The following TENT4A variants were observed in gnomAD, a reference collection of about 807,000 sequenced individuals.
TENT4A encodes DNA polymerase kappa.
In TENT4A, 7 loss-of-function variants were observed where a neutral mutation model predicts 72.8. The ratio of observed to expected loss-of-function variants is 0.10; its 90% CI spans 0.05 to 0.18. The LOEUF (loss-of-function observed/expected upper bound fraction) is 0.18, where lower values mean the gene tolerates loss of function less well. TENT4A is among the 10% of genes least tolerant of loss of function. The probability of loss-of-function intolerance (pLI) is 1.00; values close to 1 mark genes in which losing one functional copy is unlikely to be tolerated. For missense variants in TENT4A, 831 were observed against 1,017.7 expected (o/e 0.82, Z 2.50); for synonymous variants, 456 against 434.3 (o/e 1.05, Z -0.62).
chr5:6,741,605 G>GGCTT (rs931586182), intron 4 of TENT4A, among the ~76,000 whole-genome samples: 1 of 152,224 alleles, frequency 6.6e-6, no homozygotes, highest in African/African-American at 2.4e-5. Flanking sequence ...CTGGCCTCAG[G>GGCTT]GCTTACCCTG....
chr5:6,751,856 G>A (rs1045971229), intron 11 of TENT4A, among the ~76,000 whole-genome samples: 3 of 152,170 alleles, frequency 2.0e-5, no homozygotes, highest in Non-Finnish European at 4.4e-5. Flanking sequence ...GTAGGTACAT[G>A]CAAAAGTGTT....
intron 1 of TENT4A, among the ~76,000 whole-genome samples, chr5:6,724,486 A>C (rs79000821): frequency 1.3e-5 from 2 of 152,300 alleles, no homozygotes; most frequent in South Asian, 2.1e-4. Context: ...AGGTGAATCT[A>C]TCTAGAGTTT....
chr5:6,721,318 T>A (rs1740634993), intron 1 of TENT4A, among the ~76,000 whole-genome samples: 2 of 152,348 alleles, frequency 1.3e-5, no homozygotes, highest in East Asian at 1.9e-4. Flanking sequence ...CTTAGAATTT[T>A]AAAAAATAAA....
At chr5:6,719,205 C>G (rs1740529836) in intron 1 of TENT4A, among the ~76,000 whole-genome samples, 1 of 152,192 alleles carries the variant, frequency 6.6e-6, no homozygotes, top group South Asian at 2.1e-4. Context: ...TCTTTGGTCA[C>G]TATTTAATAT....
intron 1 of TENT4A, among the ~76,000 whole-genome samples, chr5:6,726,216 G>T (rs1740911223): frequency 6.6e-6 from 1 of 152,168 alleles, no homozygotes; most frequent in Non-Finnish European, 1.5e-5. Context: ...CACCATGTAG[G>T]GGGAGCTGCG....
rs1288686313 is a variant in TENT4A at position 6,743,204 on chromosome 5, G to A, written c.1117-508G>A. ...TGGTCCCATCTTGTTCCATTTTCAAGGGCCTTGCTCTTCAGGTTCCCCCTT... is the reference window on the plus strand; with the variant it reads ...TGGTCCCATCTTGTTCCATTTTCAAAGGCCTTGCTCTTCAGGTTCCCCCTT... On this transcript the variant is annotated intron_variant, in intron 5 of 12. Coordinates refer to ENST00000230859, the MANE Select transcript of TENT4A (RefSeq NM_006999.6). Among the ~76,000 whole-genome samples, 4 of 152,232 alleles carry A rather than the reference G, an allele frequency of 2.6e-5. No homozygotes were observed. The East Asian group carries it at 5.8e-4, about 22-fold the overall frequency.
intron 11 of TENT4A, 143 bp downstream of exon 11, chr5:6,751,340 A>G: frequency 1.2e-6 from 1 of 832,292 alleles, no homozygotes; most frequent in African/African-American, 1.7e-5. Context: ...TTGTTCTAGG[A>G]AATCCTCTCT....
intron 1 of TENT4A, 36 bp downstream of exon 1, chr5:6,714,735 G>C (rs929023128): frequency 7.4e-6 from 6 of 811,198 alleles, no homozygotes; most frequent in Non-Finnish European, 7.8e-6. Context: ...GCGGGGGCGG[G>C]GCCCATGGTC....
intron 1 of TENT4A, among the ~76,000 whole-genome samples, chr5:6,728,257 G>T (rs1258837023): frequency 1.3e-5 from 2 of 152,170 alleles, no homozygotes; most frequent in Non-Finnish European, 2.9e-5. Flanking sequence ...GGTCACAGCA[G>T]GAAGATGGTG....
chr5:6,739,708 C>G, intron 3 of TENT4A, 24 bp from the exon 4 acceptor site: 1 of 1,613,018 alleles, frequency 6.2e-7, no homozygotes, highest in Non-Finnish European at 8.5e-7. Context: ...GGAGCAGTGG[C>G]TGACGTGCGT....
intron 1 of TENT4A, among the ~76,000 whole-genome samples, chr5:6,724,664 G>A (rs921788936): frequency 2.6e-5 from 4 of 152,294 alleles, no homozygotes; most frequent in South Asian, 2.1e-4. Context: ...AGTAAAAAGC[G>A]CGTTTTAGGA....
rs1283231236 is a variant in TENT4A, at chr5:6,756,746, G to A, written c.*1801G>A. 1 of 152,562 alleles carries A rather than the reference G, an allele frequency of 6.6e-6. No homozygotes were observed. The highest frequency in any genetic ancestry group is 1.5e-5 in the Non-Finnish European group (1 of 68,030). The allele number at this position is 152,562 out of a possible 1,614,324, so 9.5% of individuals were successfully genotyped here. A position where few individuals can be genotyped will look rare whatever the true frequency, so the allele number is the denominator to read the frequency against. The stretch of plus-strand genomic sequence containing the variant: ...TCTGTAGGCCTGTACTAATCTCTAC[G>A]CATTAGCAATATTGACTGTAAACCC... On this transcript the variant is annotated 3_prime_UTR_variant, in exon 13 of 13. Transcript: ENST00000230859.
At position 6,751,122 on chromosome 5, in the gene TENT4A, C is replaced by T. The variant is rs752998203; in HGVS notation, c.1944C>T (p.Pro648=). The change falls in exon 11 of 13, where the codon CCC becomes CCT. Residue 648 remains proline (P), a synonymous_variant. Coordinates refer to ENST00000230859, the MANE Select transcript of TENT4A (RefSeq NM_006999.6). ...CAGCTCCTCTCATGGCCGGCTTACC[C>T]ACCGCCTTGCCAATGCCCAGTGGCA... ...QAPAPLMAGL[P]TALPMPSGKP... is the part of the protein sequence containing the mutation. 3 of 1,614,188 alleles carry T rather than the reference C, an allele frequency of 1.9e-6. No homozygotes were observed. The South Asian group carries it at 3.3e-5, about 18-fold the overall frequency.
chr5:6,725,574 C>T (rs1740877594), intron 1 of TENT4A, among the ~76,000 whole-genome samples: 1 of 152,234 alleles, frequency 6.6e-6, no homozygotes, highest in Non-Finnish European at 1.5e-5. Context: ...TGTGTGCCAT[C>T]TTACACTGCC....
chr5:6,753,291 A>G (rs1742514238), intron 12 of TENT4A, among the ~76,000 whole-genome samples: 1 of 152,254 alleles, frequency 6.6e-6, no homozygotes, highest in African/African-American at 2.4e-5. Flanking sequence ...TTAGCATAAA[A>G]CTGAAGTTTG....
Position 6,746,222 on chromosome 5 carries a change from A to G in TENT4A, c.1254A>G (p.Pro418=), listed in dbSNP as rs529673619. ...LMAISFLQLH[P]RIDARRADEN... is the part of the protein sequence containing the mutation. ...GTGCATTGCTTTTACAGTTGCATCC[A>G]AGAATTGATGCCCGGAGAGCTGATG... The change falls in exon 7 of 13, where the codon CCA becomes CCG. Residue 418 remains proline (P), a synonymous_variant. Coordinates refer to ENST00000230859, the MANE Select transcript of TENT4A (RefSeq NM_006999.6). 21 of 1,614,232 alleles carry G rather than the reference A, an allele frequency of 1.3e-5. 1 individual carries two copies. The South Asian group carries it at 2.0e-4, about 15-fold the overall frequency.
Position 6,753,058 on chromosome 5 carries a change from A to G in TENT4A, c.2184+21A>G, listed in dbSNP as rs199544101. ...ATAAGGTATAGCTCTGTCCTGGTGC[A>G]TTCACCTACCTGTTCAAGCTGCCAT... is the stretch of plus-strand genomic sequence containing the variant. On this transcript the variant is annotated intron_variant, in intron 12 of 12. Transcript: ENST00000230859. 250 of 1,582,772 alleles carry G rather than the reference A, an allele frequency of 1.6e-4. 1 individual carries two copies. In the African/African-American group the frequency reaches 3.0e-3, roughly 19 times the overall value.
chr5:6,729,186 A>G (rs553434972), intron 1 of TENT4A, among the ~76,000 whole-genome samples: 1 of 152,346 alleles, frequency 6.6e-6, no homozygotes, highest in African/African-American at 2.4e-5. Flanking sequence ...TGAAGACTTC[A>G]GTCCTGGTTG....
Position 6,755,246 on chromosome 5 carries a change from T to C in TENT4A, c.*301T>C. ...CAGGGACGTGAACATGCGCTTGCGG[T>C]TTGAGGTAGCCGTGTCTGTTCCTTC... On this transcript the variant is annotated 3_prime_UTR_variant, in exon 13 of 13. Coordinates refer to ENST00000230859, the MANE Select transcript of TENT4A (RefSeq NM_006999.6). 1 of 280,530 alleles carries C rather than the reference T, an allele frequency of 3.6e-6. No individual in the cohort carries two copies. The allele number at this position is 280,530 out of a possible 1,614,324, so 17.4% of individuals were successfully genotyped here.
Sources: allele counts gnomAD v4.1 joint callset (sites outside exome capture counted in the v4.1 genomes callset), GRCh38; gene constraint gnomAD v4.1.1; transcripts MANE v1.5; gene names NCBI Gene and HGNC (gene_info 2026-07-23, HGNC 2026-07-21).